Variants in ULK4 observed in about 807,000 individuals in gnomAD.
The protein encoded by ULK4 is inactive serine/threonine-protein kinase ULK4.
A neutral mutation model predicts 160.6 loss-of-function variants in ULK4; 133 were observed. The observed-to-expected ratio is 0.83, with a 90% CI of 0.72 to 0.96. The LOEUF is 0.96. Ranked by LOEUF, ULK4 falls within the 40% of genes least tolerant of loss-of-function variation. The pLI is 0.00. For missense variants in ULK4, 1,580 were observed against 1,499.5 expected, an observed-to-expected ratio of 1.05 and a Z score of -0.89; for synonymous variants, 534 against 539.8, an observed-to-expected ratio of 0.99 and a Z score of 0.15.
chr3:41,871,712 G>C (rs928017774), intron 17 of ULK4, among the ~76,000 whole-genome samples: 3 of 152,178 alleles, frequency 2.0e-5, no homozygotes, highest in African/African-American at 7.2e-5. Flanking sequence ...TGAGGTTTGA[G>C]ACATACTCCA....
chr3:41,408,297 G>A (rs9832901), intron 34 of ULK4, among the ~76,000 whole-genome samples: 28,004 of 150,874 alleles, frequency 0.19, 2,769 homozygotes, highest in Admixed American at 0.22. Context: ...GCATGGTGGC[G>A]GGCGCCTGTA....
chr3:41,912,802 ACTAC>A lies in ULK4; in HGVS notation c.896+1_896+4del, dbSNP rs1698834931. The A allele has an allele frequency of 4.3e-6, 7 of 1,613,448 alleles. No homozygotes were observed. Among genetic ancestry groups the A allele is most frequent in the Non-Finnish European group, 5.9e-6 (7 of 1,179,518 alleles). On this transcript the variant is annotated splice_donor_variant and splice_donor_region_variant and intron_variant, in intron 9 of 36. Transcript: ENST00000301831. LOFTEE classifies it high-confidence loss of function. ...GTCCCATACACAAAGGTAAGTGTAT[ACTAC>A]CTGAGACTGAGATCTTCGACGCTTG...
intron 35 of ULK4, among the ~76,000 whole-genome samples, chr3:41,270,296 T>C (rs190304532): frequency 2.3e-4 from 35 of 152,218 alleles, no homozygotes; most frequent in African/African-American, 6.3e-4. Flanking sequence ...AAGTACTCAA[T>C]CCATCATTCC....
chr3:41,701,333 G>A (rs1308485017), intron 27 of ULK4, among the ~76,000 whole-genome samples: 1 of 152,106 alleles, frequency 6.6e-6, no homozygotes, highest in Non-Finnish European at 1.5e-5. Flanking sequence ...CATTTTAGAA[G>A]GACCCAAGGG....
chr3:41,589,032 T>A (rs561493016), intron 31 of ULK4, among the ~76,000 whole-genome samples: 14 of 152,236 alleles, frequency 9.2e-5, no homozygotes, highest in African/African-American at 3.4e-4. Context: ...AAATGGATAT[T>A]CTTGGACTTC....
chr3:41,249,150 G>A (rs543844866), intron 36 of ULK4, among the ~76,000 whole-genome samples: 24 of 152,222 alleles, frequency 1.6e-4, no homozygotes, highest in Non-Finnish European at 2.9e-4. Context: ...GCCAGGGGCT[G>A]CCTTTCTCAT....
intron 34 of ULK4, among the ~76,000 whole-genome samples, chr3:41,447,436 C>G (rs1297155156): frequency 6.6e-6 from 1 of 152,124 alleles, no homozygotes; most frequent in East Asian, 1.9e-4. Context: ...CTAGAGCAGG[C>G]AGCCTTGGCC....
intron 35 of ULK4, among the ~76,000 whole-genome samples, chr3:41,320,956 T>G (rs2080234362): frequency 6.6e-6 from 1 of 151,938 alleles, no homozygotes; most frequent in Admixed American, 6.5e-5. Flanking sequence ...CCAGGTAGGC[T>G]GCTCTGGAAC....
At chr3:41,813,201 G>A (rs139857981) in intron 19 of ULK4, among the ~76,000 whole-genome samples, 323 of 152,186 alleles carry the variant, frequency 2.1e-3, no homozygotes, top group African/African-American at 7.6e-3. Context: ...TGCATGCTGG[G>A]TTTAATACTT....
At chr3:41,691,433 T>G (rs1017233510) in intron 27 of ULK4, among the ~76,000 whole-genome samples, 1 of 151,828 alleles carries the variant, frequency 6.6e-6, no homozygotes, top group Admixed American at 6.6e-5. Flanking sequence ...TATAAAACTT[T>G]TAAATAAACT....
chr3:41,390,711 A>C (rs1178488336), intron 35 of ULK4, among the ~76,000 whole-genome samples: 1 of 151,948 alleles, frequency 6.6e-6, no homozygotes, highest in East Asian at 1.9e-4. Context: ...TTCTAGTTTG[A>C]TTTCACTGTG....
In ULK4 at chr3:41,330,481, A is replaced by G. The variant is rs114135289; in HGVS notation, c.3678+67598T>C. On this transcript the variant is annotated intron_variant, in intron 35 of 36. Coordinates refer to ENST00000301831, the MANE Select transcript of ULK4 (RefSeq NM_017886.4). ...CACTTTTCTGCAAACCTATTCAGGA[A>G]TGAGGATTCAGGGACACCAATGGAG... 4.2e-3 allele frequency among the ~76,000 whole-genome samples: 635 copies of G among 152,308 alleles called. 3 individuals are homozygous for G. Among genetic ancestry groups the G allele is most frequent in the African/African-American group, 0.015 (608 of 41,574 alleles).
chr3:41,755,755 G>C (rs573299176), intron 21 of ULK4, among the ~76,000 whole-genome samples: 45 of 152,258 alleles, frequency 3.0e-4, no homozygotes, highest in African/African-American at 1.0e-3. Flanking sequence ...TTCAAGATCT[G>C]GAAGTTTTGT....
At chr3:41,833,124 G>A (rs1236740704) in intron 18 of ULK4, among the ~76,000 whole-genome samples, 1 of 152,148 alleles carries the variant, frequency 6.6e-6, no homozygotes, top group Non-Finnish European at 1.5e-5. Context: ...ACTTTGGGCA[G>A]TATGGCCATT....
chr3:41,811,755 T>C (rs1280505701), intron 19 of ULK4, among the ~76,000 whole-genome samples: 2 of 152,172 alleles, frequency 1.3e-5, no homozygotes, highest in Non-Finnish European at 2.9e-5. Flanking sequence ...TTTCTAGAGT[T>C]CTAAATTATG....
intron 17 of ULK4, among the ~76,000 whole-genome samples, chr3:41,871,899 C>A (rs112646283): frequency 6.6e-6 from 1 of 152,112 alleles, no homozygotes; most frequent in South Asian, 2.1e-4. Context: ...TGTCTAAAAT[C>A]TCTTTATCTA....
chr3:41,404,078 G>A (rs1442035253), intron 34 of ULK4, among the ~76,000 whole-genome samples: 1 of 152,012 alleles, frequency 6.6e-6, no homozygotes, highest in East Asian at 1.9e-4. Context: ...TGTGTGAAGT[G>A]CTCTCTATCA....
chr3:41,438,659 A>G (rs980188639), intron 34 of ULK4, among the ~76,000 whole-genome samples: 9 of 151,726 alleles, frequency 5.9e-5, no homozygotes, highest in African/African-American at 2.2e-4. Flanking sequence ...AGTTAAAACA[A>G]GGACAAAAAA....
At chr3:41,313,786 A>T (rs1480927928) in intron 35 of ULK4, among the ~76,000 whole-genome samples, 1 of 152,214 alleles carries the variant, frequency 6.6e-6, no homozygotes, top group Admixed American at 6.5e-5. Context: ...CAAAAATAGA[A>T]TTTAATTTCC....
Sources: allele counts gnomAD v4.1 joint callset (sites outside exome capture counted in the v4.1 genomes callset), GRCh38; gene constraint gnomAD v4.1.1; transcripts MANE v1.5; gene names NCBI Gene and HGNC (gene_info 2026-07-23, HGNC 2026-07-21).